BMP5: variants seen among roughly 807,000 people sequenced by gnomAD.
BMP5 encodes the protein bone morphogenetic protein 5.
BMP5 carries 23 observed loss-of-function variants against 46.6 expected under a neutral mutation model. That is an observed-to-expected ratio of 0.49 (90% CI 0.35 to 0.70). The LOEUF is 0.70. BMP5 is among the 30% of genes least tolerant of loss of function. The probability of loss-of-function intolerance (pLI) is 0.00; values close to 1 mark genes in which losing one functional copy is unlikely to be tolerated. For synonymous variants in BMP5, 204 were observed against 191.9 expected, an observed-to-expected ratio of 1.06 and a Z score of -0.52; for missense variants, 545 against 565.6, an observed-to-expected ratio of 0.96 and a Z score of 0.37.
chr6:55,757,075 T>C (rs1316414834), intron 6 of BMP5, among the ~76,000 whole-genome samples: 3 of 151,988 alleles, frequency 2.0e-5, no homozygotes, highest in Non-Finnish European at 4.4e-5. Context: ...AGCAGACTCT[T>C]GTTCAAAGTT....
Position 55,794,425 on chromosome 6 carries a change from T to A in BMP5, c.686A>T (p.Asp229Val). The change falls in exon 3 of 7, where the codon GAT becomes GTT. Residue 229 changes from aspartate to valine, a missense_variant and splice_region_variant. Coordinates refer to ENST00000370830, the MANE Select transcript of BMP5 (RefSeq NM_021073.4). The part of the protein sequence containing the change: ...YQIIKEYTNR[D>V]ADLFLLDTRK... Reference sequence around the variant, plus strand: ...TGTGTCTAACAAGAACAGATCTGCATCCCTAAAAAGAAAAGGAACAACAAA... The same window carrying A: ...TGTGTCTAACAAGAACAGATCTGCAACCCTAAAAAGAAAAGGAACAACAAA... The A allele has an allele frequency of 1.2e-6, 2 of 1,613,722 alleles. No individual in the cohort carries two copies. The highest frequency in any genetic ancestry group is 8.5e-7 in the Non-Finnish European group (1 of 1,179,816).
chr6:55,807,967 G>A (rs1055697652), intron 2 of BMP5, among the ~76,000 whole-genome samples: 1 of 152,204 alleles, frequency 6.6e-6, no homozygotes, highest in African/African-American at 2.4e-5. Context: ...GGCATGGGGA[G>A]CAGGACCAGT....
intron 1 of BMP5, among the ~76,000 whole-genome samples, chr6:55,823,332 A>G (rs1467785820): frequency 6.6e-6 from 1 of 152,142 alleles, no homozygotes; most frequent in African/African-American, 2.4e-5. Context: ...ATCACAATAC[A>G]TAATCCAGAG....
chr6:55,786,945 G>T (rs1277234276), intron 3 of BMP5, among the ~76,000 whole-genome samples: 2 of 151,618 alleles, frequency 1.3e-5, no homozygotes, highest in African/African-American at 4.8e-5. Flanking sequence ...TCAAATCTTA[G>T]AATGTTTAAA....
At chr6:55,792,319 G>T (rs994636465) in intron 3 of BMP5, among the ~76,000 whole-genome samples, 1 of 152,092 alleles carries the variant, frequency 6.6e-6, no homozygotes, top group Admixed American at 6.6e-5. Flanking sequence ...GGATCACGAG[G>T]TCAGGAGATC....
chr6:55,797,007 T>C (rs1048021116), intron 2 of BMP5, among the ~76,000 whole-genome samples: 2 of 152,224 alleles, frequency 1.3e-5, no homozygotes, highest in Non-Finnish European at 2.9e-5. Context: ...TACTTTTGAC[T>C]GACAAATTAT....
chr6:55,775,114 T>C (rs1320311446), intron 3 of BMP5, among the ~76,000 whole-genome samples: 1 of 151,932 alleles, frequency 6.6e-6, no homozygotes, highest in Non-Finnish European at 1.5e-5. Context: ...TGTGGTTATA[T>C]ATCAGTGAAA....
chr6:55,773,701 C>G (rs975541159), intron 4 of BMP5, among the ~76,000 whole-genome samples: 1 of 151,982 alleles, frequency 6.6e-6, no homozygotes, highest in Non-Finnish European at 1.5e-5. Context: ...TTTAATTTAC[C>G]TGGTTGACCA....
chr6:55,851,642 A>G (rs1387179615), intron 1 of BMP5, among the ~76,000 whole-genome samples: 1 of 152,226 alleles, frequency 6.6e-6, no homozygotes, highest in Non-Finnish European at 1.5e-5. Flanking sequence ...ACAAAACTTT[A>G]TAGCATGATT....
chr6:55,790,484 C>T (rs1484895549), intron 3 of BMP5, among the ~76,000 whole-genome samples: 3 of 152,076 alleles, frequency 2.0e-5, no homozygotes, highest in South Asian at 4.1e-4. Context: ...TTATGGCTGA[C>T]GATCAAGCTA....
chr6:55,774,200 C>T lies in BMP5; in HGVS notation c.876G>A (p.Gln292=). The part of the protein sequence containing the change: ...NVKSAGLVGR[Q]GPQSKQPFMV... ...TGAATGGTTGTTTTGACTGAGGTCC[C>T]TGTCTTCCCACAAGACCAGCAGATT... The change falls in exon 4 of 7, where the codon CAG becomes CAA. Residue 292 remains glutamine, a synonymous_variant. Transcript: ENST00000370830. 4 of 1,613,142 alleles carry T rather than the reference C, an allele frequency of 2.5e-6. No homozygotes were observed. The highest frequency in any genetic ancestry group is 3.4e-6 in the Non-Finnish European group (4 of 1,179,400).
chr6:55,764,387 C>A (rs1305037530), intron 4 of BMP5, among the ~76,000 whole-genome samples: 2 of 152,012 alleles, frequency 1.3e-5, no homozygotes, highest in Non-Finnish European at 2.9e-5. Context: ...TTCTGGCTAA[C>A]ACGGTGAAAC....
intron 2 of BMP5, among the ~76,000 whole-genome samples, chr6:55,807,516 G>A (rs2127533878): frequency 6.6e-6 from 1 of 152,284 alleles, no homozygotes; most frequent in Middle Eastern, 3.4e-3. Context: ...ATATTGGCCT[G>A]AAGTTTTCTT....
At chr6:55,852,258 AT>A (rs1156673198) in intron 1 of BMP5, among the ~76,000 whole-genome samples, 2 of 152,002 alleles carry the variant, frequency 1.3e-5, no homozygotes, top group Non-Finnish European at 2.9e-5. Context: ...TTCTTAGCTG[AT>A]TTTTATTTTA....
At chr6:55,800,919 T>C (rs1427229205) in intron 2 of BMP5, among the ~76,000 whole-genome samples, 3 of 152,226 alleles carry the variant, frequency 2.0e-5, no homozygotes, top group Non-Finnish European at 4.4e-5. Flanking sequence ...ACTCAATTGC[T>C]TTCCTTATCT....
At chr6:55,874,083 T>G (rs1777845152) in intron 1 of BMP5, among the ~76,000 whole-genome samples, 1 of 152,048 alleles carries the variant, frequency 6.6e-6, no homozygotes, top group South Asian at 2.1e-4. Context: ...CCTCATAAAT[T>G]TCCCTGTTTT....
At position 55,784,209 on chromosome 6, in the gene BMP5, AAGAAG is replaced by A. The variant is rs534883215; in HGVS notation, c.833-9971_833-9967del. Among the ~76,000 whole-genome samples the A allele has an allele frequency of 1.8e-4, 27 of 152,020 alleles. No individual in the cohort carries two copies. In the South Asian group the frequency reaches 3.5e-3, roughly 20 times the overall value. The stretch of plus-strand genomic sequence containing the variant: ...CATATGTTACCTGCTTTGGGACTTG[AAGAAG>A]AGAACTGTCGTTTCTTAGTAACTAG... On this transcript the variant is annotated intron_variant, in intron 3 of 6. Transcript: ENST00000370830.
intron 3 of BMP5, among the ~76,000 whole-genome samples, chr6:55,785,297 G>C (rs115199987): frequency 0.011 from 1,737 of 151,854 alleles, 31 homozygotes; most frequent in African/African-American, 0.039. Context: ...AAAATACATG[G>C]AGTATATTTT....
intron 2 of BMP5, among the ~76,000 whole-genome samples, chr6:55,817,801 C>T (rs1582090318): frequency 6.6e-6 from 1 of 152,234 alleles, no homozygotes; most frequent in Middle Eastern, 3.4e-3. Flanking sequence ...GAACTGTCCA[C>T]AATGACAAAC....
Sources: allele counts gnomAD v4.1 joint callset (sites outside exome capture counted in the v4.1 genomes callset), GRCh38; gene constraint gnomAD v4.1.1; transcripts MANE v1.5; gene names NCBI Gene and HGNC (gene_info 2026-07-23, HGNC 2026-07-21).